The following PRKG1 variants were observed in gnomAD, a reference collection of about 807,000 sequenced individuals.
PRKG1 encodes the protein protein kinase cGMP-dependent 1, also known as cGMP-dependent protein kinase 1.
Under a neutral mutation model 88.1 loss-of-function variants are expected in PRKG1, and 35 were observed. That is an observed-to-expected ratio of 0.40 (90% CI 0.30 to 0.53). The LOEUF (loss-of-function observed/expected upper bound fraction) is 0.53. Among genes scored for constraint, PRKG1 ranks in the 20% least tolerant of loss-of-function variants. The pLI, the probability that PRKG1 is intolerant of heterozygous loss-of-function variation, is 0.59. For synonymous variants in PRKG1, 303 were observed against 292.5 expected (o/e 1.04, Z -0.37); for missense variants, 540 against 839.8 (o/e 0.64, Z 4.41).
intron 3 of PRKG1, among the ~76,000 whole-genome samples, chr10:51,707,296 A>G (rs898992879): frequency 1.3e-5 from 2 of 152,096 alleles, no homozygotes; most frequent in African/African-American, 4.8e-5. Context: ...TGTGGAGGAT[A>G]TAGGCTTATT....
chr10:51,281,375 A>G (rs1382905297), intron 2 of PRKG1, among the ~76,000 whole-genome samples: 1 of 151,894 alleles, frequency 6.6e-6, no homozygotes, highest in Non-Finnish European at 1.5e-5. Flanking sequence ...GAGAACCACT[A>G]CTCTCTCAAG....
intron 17 of PRKG1, among the ~76,000 whole-genome samples, chr10:52,291,453 T>G (rs1323061530): frequency 1.6e-4 from 22 of 134,164 alleles, no homozygotes; most frequent in South Asian, 7.3e-4. Context: ...CCCCTTCCTG[T>G]GTTCATGTGT....
chr10:51,495,506 G>C (rs1274773332), intron 3 of PRKG1, among the ~76,000 whole-genome samples: 1 of 152,156 alleles, frequency 6.6e-6, no homozygotes. Context: ...ATTCCATATA[G>C]CGCAAGAACT....
At chr10:51,310,876 G>T (rs6480116) in intron 2 of PRKG1, among the ~76,000 whole-genome samples, 5,501 of 152,234 alleles carry the variant, frequency 0.036, 319 homozygotes, top group African/African-American at 0.12. Flanking sequence ...TTTGGTTGGT[G>T]CTGGGAAAGA....
At chr10:51,729,770 A>G (rs908296015) in intron 3 of PRKG1, among the ~76,000 whole-genome samples, 3 of 151,294 alleles carry the variant, frequency 2.0e-5, no homozygotes, top group Non-Finnish European at 4.4e-5. Flanking sequence ...GGCCGTGGTA[A>G]TTCAAACTAC....
intron 5 of PRKG1, among the ~76,000 whole-genome samples, chr10:51,917,939 A>T (rs1842379443): frequency 6.6e-6 from 1 of 152,200 alleles, no homozygotes; most frequent in Admixed American, 6.5e-5. Flanking sequence ...CTTGAGATAT[A>T]AATTCCTTAA....
chr10:51,166,331 G>GTA (rs1289850210), intron 2 of PRKG1, among the ~76,000 whole-genome samples: 1 of 152,008 alleles, frequency 6.6e-6, no homozygotes, highest in East Asian at 1.9e-4. Flanking sequence ...GCCAATATGT[G>GTA]TATATGAATT....
At chr10:51,805,743 G>C (rs1481962495) in intron 4 of PRKG1, among the ~76,000 whole-genome samples, 1 of 151,950 alleles carries the variant, frequency 6.6e-6, no homozygotes, top group Non-Finnish European at 1.5e-5. Flanking sequence ...ATTTCTTGTA[G>C]TTAATTTATT....
At chr10:52,013,078 C>A (rs1365250367) in intron 5 of PRKG1, among the ~76,000 whole-genome samples, 2 of 152,104 alleles carry the variant, frequency 1.3e-5, no homozygotes, top group Non-Finnish European at 2.9e-5. Context: ...ACGTATAATT[C>A]TAATGTAAAG....
intron 5 of PRKG1, among the ~76,000 whole-genome samples, chr10:51,922,828 A>G (rs1286412303): frequency 6.6e-6 from 1 of 151,974 alleles, no homozygotes; most frequent in East Asian, 1.9e-4. Context: ...GTTTATCCTG[A>G]TGAATGTTCC....
intron 3 of PRKG1, among the ~76,000 whole-genome samples, chr10:51,518,954 A>G (rs527682292): frequency 1.3e-5 from 2 of 152,214 alleles, no homozygotes; most frequent in Non-Finnish European, 2.9e-5. Context: ...ATTGTTCAAA[A>G]TAAGAACTTG....
chr10:51,679,420 T>C (rs1840788847), intron 3 of PRKG1, among the ~76,000 whole-genome samples: 1 of 152,132 alleles, frequency 6.6e-6, no homozygotes, highest in Non-Finnish European at 1.5e-5. Context: ...CCTTTGTGAG[T>C]TACTTAGAGC....
chr10:51,577,448 T>C (rs554120299), intron 3 of PRKG1, among the ~76,000 whole-genome samples: 1 of 152,174 alleles, frequency 6.6e-6, no homozygotes, highest in Admixed American at 6.6e-5. Context: ...CTTACAATTA[T>C]GTGCATTTCC....
intron 1 of PRKG1, among the ~76,000 whole-genome samples, chr10:51,009,839 A>G (rs1174803450): frequency 6.6e-6 from 1 of 152,220 alleles, no homozygotes; most frequent in Non-Finnish European, 1.5e-5. Flanking sequence ...TTTGGAAAGA[A>G]AATCTGCCAG....
At chr10:51,069,800 C>T (rs116165360), upstream of PRKG1, among the ~76,000 whole-genome samples, 21 of 152,168 alleles carry the variant, frequency 1.4e-4, no homozygotes, top group African/African-American at 4.6e-4. Context: ...GGGTGACCAA[C>T]TCTCCTGGTT....
chr10:51,531,247 A>G lies in PRKG1; in HGVS notation c.592+63411A>G, dbSNP rs1249370484. On this transcript the variant is annotated intron_variant, in intron 3 of 17. Transcript: ENST00000373980. ...TGTTTGCCTTTAAATTGAAGTATGC[A>G]ATAAGCTTGTAAAAGTCACAAATTT... Among the ~76,000 whole-genome samples, 7 of 152,210 alleles carry G rather than the reference A, an allele frequency of 4.6e-5. No homozygotes were observed. In the East Asian group the frequency reaches 1.2e-3, roughly 25 times the overall value.
At chr10:51,534,496 G>T (rs536137756) in intron 3 of PRKG1, among the ~76,000 whole-genome samples, 2 of 151,630 alleles carry the variant, frequency 1.3e-5, no homozygotes, top group Non-Finnish European at 2.9e-5. Flanking sequence ...GTGAAACCTC[G>T]TCTCTCCTAA....
Position 51,392,773 on chromosome 10 carries a change from ACCTC to A in PRKG1, c.479-74943_479-74940del, listed in dbSNP as rs1837448446. On this transcript the variant is annotated intron_variant, in intron 2 of 17. Coordinates refer to ENST00000373980, the MANE Select transcript of PRKG1 (RefSeq NM_006258.4). ...GCCGGGCGGGGGGCTGACCACCCCC[ACCTC>A]CCTCCCGGACGGGGCGGCTGGCCGG... Among the ~76,000 whole-genome samples, 11 of 118,708 alleles carry A rather than the reference ACCTC, an allele frequency of 9.3e-5. No homozygotes were observed. In the South Asian group the frequency reaches 2.6e-3, roughly 29 times the overall value. The allele number at this position is 118,708 out of a possible 152,430, so 77.9% of individuals were successfully genotyped here. A position where few individuals can be genotyped will look rare whatever the true frequency, so the allele number is the denominator to read the frequency against.
At chr10:51,345,118 T>C (rs1257985585) in intron 2 of PRKG1, among the ~76,000 whole-genome samples, 3 of 152,178 alleles carry the variant, frequency 2.0e-5, no homozygotes, top group Non-Finnish European at 4.4e-5. Context: ...GCTGCGTTTA[T>C]GTCAGAAAAC....
Sources: gnomAD v4.1 joint callset for allele counts (sites outside exome capture counted in the v4.1 genomes callset) on GRCh38, gnomAD v4.1.1 for gene constraint, MANE v1.5 for transcripts, NCBI Gene and HGNC (gene_info 2026-07-23, HGNC 2026-07-21) for gene names.